The following MMP26 variants were observed in gnomAD, a reference collection of about 807,000 sequenced individuals.
The protein encoded by MMP26 is matrix metalloproteinase-26.
MMP26 carries 33 observed loss-of-function variants against 31.0 expected under a neutral mutation model. The ratio of observed to expected loss-of-function variants is 1.06; its 90% CI spans 0.81 to 1.42. The LOEUF is 1.42. Ranked by LOEUF, MMP26 falls within the 40% of genes most tolerant of loss-of-function variation. The pLI is 0.00. For synonymous variants in MMP26, 122 were observed against 114.9 expected (o/e 1.06, Z -0.40); for missense variants, 347 against 316.1 (o/e 1.10, Z -0.74).
intron 2 of MMP26, among the ~76,000 whole-genome samples, chr11:4,861,405 A>G (rs1850156801): frequency 6.6e-6 from 1 of 151,072 alleles, no homozygotes; most frequent in Middle Eastern, 3.2e-3. Flanking sequence ...GCATAAATGT[A>G]TTAGGTTGGT....
rs138092000 is a variant in MMP26, at chr11:4,848,487, C to T, written c.-145+81146C>T. The T allele has an allele frequency of 2.1e-5, 34 of 1,613,452 alleles. 1 individual carries two copies. The highest frequency in any genetic ancestry group is 1.7e-4 in the Middle Eastern group (1 of 6,058). On this transcript the variant is annotated intron_variant, in intron 2 of 7. Coordinates refer to ENST00000380390, the MANE Select transcript of MMP26 (RefSeq NM_021801.5). Reference sequence around the variant, plus strand: ...AGCACAGGTTTGACCAGCCTTCCAGCGATCCTCTCTGGACTCCACACCTTG... The same window carrying T: ...AGCACAGGTTTGACCAGCCTTCCAGTGATCCTCTCTGGACTCCACACCTTG...
intron 2 of MMP26, among the ~76,000 whole-genome samples, chr11:4,893,942 TAA>T (rs555259201): frequency 1.4e-5 from 2 of 139,518 alleles, no homozygotes; most frequent in South Asian, 4.5e-4. Context: ...TCTACAAAAA[TAA>T]AAAAAAAAAC....
At chr11:4,965,700 C>T (rs945908800) in intron 2 of MMP26, among the ~76,000 whole-genome samples, 2 of 152,130 alleles carry the variant, frequency 1.3e-5, no homozygotes, top group Admixed American at 1.3e-4. Context: ...TTTGTTCTTT[C>T]GTTGCCTTTG....
At position 4,820,395 on chromosome 11, in the gene MMP26, GT is replaced by G. The variant is rs200709178; in HGVS notation, c.-145+53062del. 7.2e-5 allele frequency among the ~76,000 whole-genome samples: 11 copies of G among 151,816 alleles called. No individual in the cohort carries two copies. In the South Asian group the frequency reaches 8.3e-4, roughly 11 times the overall value. On this transcript the variant is annotated intron_variant, in intron 2 of 7. Transcript: ENST00000380390. Reference sequence around the variant, plus strand: ...ATGTTCAAGAAATGCTGGCTATTGTGTTTTTTTTATTTTGATACTAGTCTGT... The same window carrying G: ...ATGTTCAAGAAATGCTGGCTATTGTGTTTTTTTATTTTGATACTAGTCTGT...
chr11:4,932,537 C>A (rs1163439160), intron 2 of MMP26, among the ~76,000 whole-genome samples: 1 of 152,152 alleles, frequency 6.6e-6, no homozygotes, highest in Non-Finnish European at 1.5e-5. Context: ...CAGCAAGCGT[C>A]AGCTACCAGC....
intron 2 of MMP26, among the ~76,000 whole-genome samples, chr11:4,826,292 G>A (rs1260431057): frequency 2.0e-5 from 3 of 152,134 alleles, no homozygotes; most frequent in Non-Finnish European, 4.4e-5. Flanking sequence ...GTTTCCATGT[G>A]TGGCTGTACC....
chr11:4,945,971 G>A, intron 2 of MMP26: 1 of 611,386 alleles, frequency 1.6e-6, no homozygotes, highest in South Asian at 2.0e-5. Context: ...TAACTGAAAT[G>A]GGGACATAAG....
intron 1 of MMP26, chr11:4,710,194 C>A (rs761611993): frequency 1.3e-5 from 6 of 456,780 alleles, no homozygotes; most frequent in South Asian, 9.3e-5. Flanking sequence ...ATCTCTACTG[C>A]TGGCTTAGAC....
chr11:4,777,114 T>G (rs148775010), intron 2 of MMP26, among the ~76,000 whole-genome samples: 1 of 152,326 alleles, frequency 6.6e-6, no homozygotes, highest in East Asian at 1.9e-4. Context: ...TGTAATTCTT[T>G]GCAAAATTTG....
chr11:4,772,149 A>G (rs531707948), intron 2 of MMP26, among the ~76,000 whole-genome samples: 6 of 152,320 alleles, frequency 3.9e-5, no homozygotes, highest in Non-Finnish European at 7.4e-5. Context: ...CTCCCTATCT[A>G]TAAAAATTAG....
chr11:4,989,964 G>A, intron 4 of MMP26, 96 bp downstream of exon 4: 2 of 972,938 alleles, frequency 2.1e-6, no homozygotes, highest in Non-Finnish European at 1.5e-6. Context: ...ACTCTCTTCT[G>A]CTTTCATTGG....
At chr11:4,903,248 T>C (rs942898777) in intron 2 of MMP26, among the ~76,000 whole-genome samples, 4 of 152,130 alleles carry the variant, frequency 2.6e-5, no homozygotes, top group African/African-American at 9.6e-5. Context: ...GAGACACTGC[T>C]TTAAAAATCT....
In MMP26 at chr11:4,992,002, C is replaced by T. The variant is rs1457427090; in HGVS notation, c.634C>T (p.His212Tyr). The T allele has an allele frequency of 8.7e-6, 14 of 1,610,254 alleles. No homozygotes were observed. The highest frequency in any genetic ancestry group is 1.1e-5 in the South Asian group (1 of 89,976). ...LFLVATHEIG[H>Y]SLGLQHSGNQ... ...CCTGGTTGCAACTCATGAGATTGGG[C>T]ATTCTTTGGGCCTGCAGCACTCTGG... The change falls in exon 7 of 8, where the codon CAT becomes TAT. Residue 212 changes from histidine to tyrosine, a missense_variant. Physicochemically the swap from His to Tyr is moderately conservative, Grantham distance 83. Coordinates refer to ENST00000380390, the MANE Select transcript of MMP26 (RefSeq NM_021801.5).
chr11:4,854,052 T>G (rs1850013712), intron 2 of MMP26, among the ~76,000 whole-genome samples: 1 of 152,180 alleles, frequency 6.6e-6, no homozygotes, highest in African/African-American at 2.4e-5. Context: ...GAAAATCATG[T>G]GTCAAATCAT....
chr11:4,916,271 C>G (rs1434401002), intron 2 of MMP26, among the ~76,000 whole-genome samples: 1 of 152,018 alleles, frequency 6.6e-6, no homozygotes, highest in Non-Finnish European at 1.5e-5. Flanking sequence ...GGACTTTTCT[C>G]TTATAGCAGC....
chr11:4,743,363 A>G (rs1446306984), intron 1 of MMP26, among the ~76,000 whole-genome samples: 2 of 152,206 alleles, frequency 1.3e-5, no homozygotes, highest in Non-Finnish European at 1.5e-5. Context: ...TATGTGCTAA[A>G]TTATGAAGAC....
intron 1 of MMP26, among the ~76,000 whole-genome samples, chr11:4,732,034 T>A (rs928092750): frequency 4.6e-5 from 7 of 152,164 alleles, no homozygotes. Flanking sequence ...TTGAGGCAAA[T>A]ATCTCTTTGT....
At chr11:4,737,470 T>C (rs57332499) in intron 1 of MMP26, among the ~76,000 whole-genome samples, 26,520 of 151,992 alleles carry the variant, frequency 0.17, 2,798 homozygotes, top group African/African-American at 0.3. Context: ...ATGGAGAAAC[T>C]CCGTCTCTAC....
At chr11:4,711,852 A>G (rs557437506) in intron 1 of MMP26, 1 of 152,290 alleles carries the variant, frequency 6.6e-6, no homozygotes, top group South Asian at 2.1e-4. Flanking sequence ...TGAATTATAT[A>G]TATTTCTGAA....
Sources: allele counts gnomAD v4.1 joint callset (sites outside exome capture counted in the v4.1 genomes callset), GRCh38; gene constraint gnomAD v4.1.1; transcripts MANE v1.5; gene names NCBI Gene and HGNC (gene_info 2026-07-23, HGNC 2026-07-21).